The following PRKCA variants were observed in gnomAD, a reference collection of about 807,000 sequenced individuals.
PRKCA encodes the protein protein kinase C alpha.
PRKCA carries 27 observed loss-of-function variants against 87.0 expected under a neutral mutation model. The observed-to-expected ratio is 0.31, with a 90% CI of 0.23 to 0.43. The LOEUF (loss-of-function observed/expected upper bound fraction) is 0.43, where lower values mean the gene tolerates loss of function less well. Among genes scored for constraint, PRKCA ranks in the 20% least tolerant of loss-of-function variants. PRKCA has a pLI of 1.00. For missense variants in PRKCA, 518 were observed against 852.3 expected (o/e 0.61, Z 4.88); for synonymous variants, 329 against 311.1 (o/e 1.06, Z -0.61).
chr17:66,659,457 C>T (rs1971831088), intron 5 of PRKCA, among the ~76,000 whole-genome samples: 1 of 152,136 alleles, frequency 6.6e-6, no homozygotes, highest in African/African-American at 2.4e-5. Flanking sequence ...GGCCTCACAC[C>T]TGTGTCCCAG....
chr17:66,494,010 C>T (rs374250191), intron 2 of PRKCA, among the ~76,000 whole-genome samples: 16 of 152,280 alleles, frequency 1.1e-4, no homozygotes, highest in African/African-American at 3.8e-4. Context: ...TTGTTCAGAA[C>T]CTTTCAGTGA....
At chr17:66,476,702 C>G (rs1462053852) in intron 2 of PRKCA, among the ~76,000 whole-genome samples, 1 of 152,222 alleles carries the variant, frequency 6.6e-6, no homozygotes, top group African/African-American at 2.4e-5. Context: ...GCCTGTTCTT[C>G]TAATCATTGA....
chr17:66,379,601 A>T (rs1272290187), intron 2 of PRKCA, among the ~76,000 whole-genome samples: 2 of 152,230 alleles, frequency 1.3e-5, no homozygotes, highest in Non-Finnish European at 2.9e-5. Context: ...TGTAAGGAAC[A>T]AATGTAAATT....
intron 10 of PRKCA, among the ~76,000 whole-genome samples, chr17:66,736,033 A>C (rs1217074661): frequency 7.1e-6 from 1 of 140,160 alleles, no homozygotes; most frequent in Non-Finnish European, 1.5e-5. Flanking sequence ...GATGTACCCC[A>C]CCACACTCAG....
In PRKCA at chr17:66,513,779, C is replaced by G. The variant is rs935091397; in HGVS notation, c.288+17496C>G. On this transcript the variant is annotated intron_variant, in intron 3 of 16. Transcript: ENST00000413366. ...AAAAATGCTTATATGATGCTAGGTG[C>G]AAAAGCTTAATATAAAGTTATTGCC... 2.0e-5 allele frequency among the ~76,000 whole-genome samples: 3 copies of G among 152,086 alleles called. No individual in the cohort carries two copies. The South Asian group carries it at 6.2e-4, about 32-fold the overall frequency.
At chr17:66,615,237 A>G (rs1970484412) in intron 3 of PRKCA, among the ~76,000 whole-genome samples, 1 of 152,172 alleles carries the variant, frequency 6.6e-6, no homozygotes, top group South Asian at 2.1e-4. Context: ...TTCAGTGACC[A>G]TGTTTAGCTG....
chr17:66,409,355 A>G (rs1911637524), intron 2 of PRKCA, among the ~76,000 whole-genome samples: 1 of 152,158 alleles, frequency 6.6e-6, no homozygotes, highest in Non-Finnish European at 1.5e-5. Context: ...AAGGCAGGTG[A>G]CACCTCCTTG....
intron 5 of PRKCA, among the ~76,000 whole-genome samples, chr17:66,658,304 A>AC (rs998865059): frequency 3.3e-5 from 5 of 152,048 alleles, no homozygotes; most frequent in Non-Finnish European, 7.4e-5. Context: ...ACATGGTGAA[A>AC]CCCCCTCTCT....
At chr17:66,733,646 G>A (rs1289296658) in intron 9 of PRKCA, among the ~76,000 whole-genome samples, 1 of 152,140 alleles carries the variant, frequency 6.6e-6, no homozygotes, top group Admixed American at 6.5e-5. Flanking sequence ...ACAAAAATTA[G>A]CTGGGTGTGG....
At chr17:66,306,598 C>A (rs911508972) in intron 2 of PRKCA, among the ~76,000 whole-genome samples, 5 of 152,068 alleles carry the variant, frequency 3.3e-5, no homozygotes, top group Non-Finnish European at 7.4e-5. Flanking sequence ...ACAAAGTTTG[C>A]ATGTTTTAAA....
At chr17:66,353,993 C>T (rs1907902777) in intron 2 of PRKCA, among the ~76,000 whole-genome samples, 1 of 152,126 alleles carries the variant, frequency 6.6e-6, no homozygotes, top group Non-Finnish European at 1.5e-5. Flanking sequence ...TGGCAAGGAT[C>T]ACCATCGCAC....
intron 2 of PRKCA, among the ~76,000 whole-genome samples, chr17:66,463,882 A>T (rs1279473569): frequency 6.6e-6 from 1 of 152,160 alleles, no homozygotes; most frequent in African/African-American, 2.4e-5. Flanking sequence ...TGACATTATT[A>T]TCACCCAAAG....
At chr17:66,614,725 C>A (rs1388502265) in intron 3 of PRKCA, among the ~76,000 whole-genome samples, 1 of 152,120 alleles carries the variant, frequency 6.6e-6, no homozygotes, top group African/African-American at 2.4e-5. Flanking sequence ...GTGGCAGTTC[C>A]TCGTTATGCT....
chr17:66,559,574 A>G (rs1968619012), intron 3 of PRKCA, among the ~76,000 whole-genome samples: 1 of 151,920 alleles, frequency 6.6e-6, no homozygotes, highest in Admixed American at 6.6e-5. Flanking sequence ...TATTCATACA[A>G]AGACACGCAG....
chr17:66,473,239 G>T (rs1205993770), intron 2 of PRKCA, among the ~76,000 whole-genome samples: 2 of 152,148 alleles, frequency 1.3e-5, no homozygotes, highest in Non-Finnish European at 2.9e-5. Context: ...TGCTCCCTCT[G>T]CCCTGGGCCA....
At chr17:66,665,445 A>G (rs74892470) in intron 5 of PRKCA, among the ~76,000 whole-genome samples, 8,129 of 152,262 alleles carry the variant, frequency 0.053, 291 homozygotes, top group Admixed American at 0.078. Flanking sequence ...TGCACAGTGG[A>G]GATGCCCTGA....
chr17:66,414,303 G>T (rs554132736), intron 2 of PRKCA, among the ~76,000 whole-genome samples: 1 of 152,084 alleles, frequency 6.6e-6, no homozygotes. Context: ...AGATCTGGTC[G>T]TTTAAAAGTG....
rs1291278731 is a variant in PRKCA at position 66,417,244 on chromosome 17, T to A, written c.206-78957T>A. ...TACAATAAAAAGATTAATTGAAAAT[T>A]ATTAAATCCATAGCATAGTTTACTG... On this transcript the variant is annotated intron_variant, in intron 2 of 16. Coordinates refer to ENST00000413366, the MANE Select transcript of PRKCA (RefSeq NM_002737.3). 2.6e-5 allele frequency among the ~76,000 whole-genome samples: 4 copies of A among 151,882 alleles called. No individual in the cohort carries two copies. The East Asian group carries it at 7.7e-4, about 29-fold the overall frequency.
intron 3 of PRKCA, among the ~76,000 whole-genome samples, chr17:66,615,783 A>G (rs1970501508): frequency 6.6e-6 from 1 of 152,062 alleles, no homozygotes; most frequent in Non-Finnish European, 1.5e-5. Flanking sequence ...GGTTTCAGTG[A>G]AATCCCTTTC....
Sources: allele counts gnomAD v4.1 joint callset (sites outside exome capture counted in the v4.1 genomes callset), GRCh38; gene constraint gnomAD v4.1.1; transcripts MANE v1.5; gene names NCBI Gene and HGNC (gene_info 2026-07-23, HGNC 2026-07-21).